GPC6: variants seen among roughly 807,000 people sequenced by gnomAD.
GPC6 encodes the protein glypican 6, also known as glypican-6.
GPC6 carries 14 observed loss-of-function variants against 55.2 expected under a neutral mutation model. The ratio of observed to expected loss-of-function variants is 0.25; its 90% confidence interval spans 0.17 to 0.40. The LOEUF is 0.40. GPC6 is among the 10% of genes least tolerant of loss of function. The pLI is 1.00. For missense variants in GPC6, 641 were observed against 708.5 expected (o/e 0.90, Z 1.08); for synonymous variants, 278 against 259.6 (o/e 1.07, Z -0.68).
chr13:94,177,308 A>G (rs1423793389), intron 4 of GPC6, among the ~76,000 whole-genome samples: 1 of 152,210 alleles, frequency 6.6e-6, no homozygotes, highest in African/African-American at 2.4e-5. Context: ...CAGGATATCA[A>G]CATTTAAAAA....
At chr13:93,744,797 G>A (rs1474376958) in intron 2 of GPC6, among the ~76,000 whole-genome samples, 1 of 151,808 alleles carries the variant, frequency 6.6e-6, no homozygotes, top group Non-Finnish European at 1.5e-5. Context: ...GCTGGGTGTG[G>A]TGGAGCATGC....
intron 3 of GPC6, among the ~76,000 whole-genome samples, chr13:94,008,353 A>C (rs933376154): frequency 3.9e-5 from 6 of 152,158 alleles, no homozygotes; most frequent in African/African-American, 1.4e-4. Flanking sequence ...GAACATTGGT[A>C]AGTTGTTATC....
chr13:93,232,894 A>C (rs777211530), intron 1 of GPC6, among the ~76,000 whole-genome samples: 18 of 152,118 alleles, frequency 1.2e-4, no homozygotes, highest in Non-Finnish European at 2.1e-4. Flanking sequence ...TAATCTTTTG[A>C]TCTTATATTG....
chr13:94,015,864 G>A (rs1029631503), intron 3 of GPC6, among the ~76,000 whole-genome samples: 1 of 152,198 alleles, frequency 6.6e-6, no homozygotes, highest in African/African-American at 2.4e-5. Flanking sequence ...CTGTATGTCT[G>A]TTCTTACACC....
intron 2 of GPC6, among the ~76,000 whole-genome samples, chr13:93,767,911 A>T (rs1885173020): frequency 6.6e-6 from 1 of 152,170 alleles, no homozygotes. Flanking sequence ...GCAAAAATTT[A>T]GTCGTTTTTC....
At chr13:93,944,319 T>G (rs911402162) in intron 3 of GPC6, among the ~76,000 whole-genome samples, 1 of 152,096 alleles carries the variant, frequency 6.6e-6, no homozygotes, top group Middle Eastern at 3.2e-3. Context: ...TTCTCCTGCC[T>G]CAGCCTCCCG....
rs184151329 is a variant in GPC6 at position 93,273,601 on chromosome 13, T to A, written c.160+45985T>A. Among the ~76,000 whole-genome samples the A allele has an allele frequency of 4.8e-3, 731 of 152,104 alleles. 7 individuals carry two copies. Among genetic ancestry groups the A allele is most frequent in the African/African-American group, 0.016 (674 of 41,522 alleles). On this transcript the variant is annotated intron_variant, in intron 1 of 8. Transcript: ENST00000377047. ...TGAACCCGGGAGGCGGAGCTTGCAG[T>A]GAACCGAGATTGCGCCACTGCACTC... is the stretch of plus-strand genomic sequence containing the variant.
chr13:93,454,477 A>G (rs911494554), intron 1 of GPC6, among the ~76,000 whole-genome samples: 9 of 127,464 alleles, frequency 7.1e-5, no homozygotes, highest in African/African-American at 2.5e-4. Context: ...GCTAGACATA[A>G]AGGTTCTCCA....
intron 1 of GPC6, among the ~76,000 whole-genome samples, chr13:93,487,066 G>A (rs1351977324): frequency 6.6e-6 from 1 of 152,136 alleles, no homozygotes; most frequent in African/African-American, 2.4e-5. Flanking sequence ...CAGCAGGGCT[G>A]ATACCTCGCA....
intron 4 of GPC6, among the ~76,000 whole-genome samples, chr13:94,274,074 C>T (rs1018177069): frequency 2.6e-5 from 4 of 152,136 alleles, no homozygotes; most frequent in African/African-American, 9.7e-5. Context: ...TGAGATGATG[C>T]TTACATGAAT....
intron 1 of GPC6, among the ~76,000 whole-genome samples, chr13:93,434,462 A>T (rs1877489431): frequency 6.6e-6 from 1 of 152,152 alleles, no homozygotes; most frequent in South Asian, 2.1e-4. Context: ...GAATAGGCCA[A>T]TCTGTTGAGC....
At chr13:94,092,251 G>T (rs887718202) in intron 4 of GPC6, among the ~76,000 whole-genome samples, 3 of 151,870 alleles carry the variant, frequency 2.0e-5, no homozygotes, top group Admixed American at 6.6e-5. Context: ...TATTCATCTA[G>T]CATAACTGAA....
At chr13:93,788,905 A>C (rs1885900616) in intron 2 of GPC6, among the ~76,000 whole-genome samples, 1 of 152,172 alleles carries the variant, frequency 6.6e-6, no homozygotes, top group South Asian at 2.1e-4. Flanking sequence ...TTAAGTAAAA[A>C]AGGGAAAATT....
At chr13:93,892,054 CATACACACTATAT>C (rs1409558104) in intron 3 of GPC6, among the ~76,000 whole-genome samples, 3 of 152,002 alleles carry the variant, frequency 2.0e-5, no homozygotes, top group Admixed American at 6.5e-5. Flanking sequence ...ACACACTATA[CATACACACTATAT>C]ATACACATGT....
rs376430922 is a variant in GPC6 at position 93,623,393 on chromosome 13, G to A, written c.319+77972G>A. The stretch of plus-strand genomic sequence containing the variant: ...GCTGGACTAATTTACACTCCCACTC[G>A]TGTGTAAGTGTTCCCTTTTCTCTAC... On this transcript the variant is annotated intron_variant, in intron 2 of 8. Coordinates refer to ENST00000377047, the MANE Select transcript of GPC6 (RefSeq NM_005708.5). Among the ~76,000 whole-genome samples, 29 of 150,716 alleles carry A rather than the reference G, an allele frequency of 1.9e-4. No individual in the cohort carries two copies. The East Asian group carries it at 4.7e-3, about 24-fold the overall frequency.
At chr13:93,439,089 T>G (rs1180771788) in intron 1 of GPC6, among the ~76,000 whole-genome samples, 1 of 152,212 alleles carries the variant, frequency 6.6e-6, no homozygotes, top group Non-Finnish European at 1.5e-5. Context: ...TTTTTAGACA[T>G]AACGCTATTG....
intron 4 of GPC6, among the ~76,000 whole-genome samples, chr13:94,179,354 G>A (rs1451359652): frequency 6.6e-6 from 1 of 152,128 alleles, no homozygotes; most frequent in Non-Finnish European, 1.5e-5. Flanking sequence ...GGATGGAAAG[G>A]TGAAATCTAA....
At chr13:94,383,411 A>G (rs1056868519) in intron 7 of GPC6, among the ~76,000 whole-genome samples, 1 of 152,150 alleles carries the variant, frequency 6.6e-6, no homozygotes, top group African/African-American at 2.4e-5. Flanking sequence ...AAGCATATGA[A>G]GCAGCTGTGA....
chr13:93,472,386 G>A (rs1879151290), intron 1 of GPC6, among the ~76,000 whole-genome samples: 1 of 152,198 alleles, frequency 6.6e-6, no homozygotes, highest in Non-Finnish European at 1.5e-5. Flanking sequence ...TCATGGAGGT[G>A]TGGAGTGGTG....
Sources: gnomAD v4.1 joint callset for allele counts (sites outside exome capture counted in the v4.1 genomes callset) on GRCh38, gnomAD v4.1.1 for gene constraint, MANE v1.5 for transcripts, NCBI Gene and HGNC (gene_info 2026-07-23, HGNC 2026-07-21) for gene names.